Variants in GLIS1 observed in about 807,000 individuals in gnomAD.
GLIS1 encodes zinc finger protein GLIS1.
A neutral mutation model predicts 63.8 loss-of-function variants in GLIS1; 24 were observed. That is an observed-to-expected ratio of 0.38 (90% confidence interval 0.27 to 0.53). GLIS1 has a LOEUF of 0.53. GLIS1 is among the 20% of genes least tolerant of loss of function. The pLI is 0.85. For synonymous variants in GLIS1, 450 were observed against 482.5 expected (o/e 0.93, Z 0.88); for missense variants, 1,036 against 1,074.1 (o/e 0.96, Z 0.50).
intron 4 of GLIS1, among the ~76,000 whole-genome samples, chr1:53,544,557 C>T (rs1644679002): frequency 6.6e-6 from 1 of 152,228 alleles, no homozygotes; most frequent in South Asian, 2.1e-4. Flanking sequence ...CTATGGGTGG[C>T]TCCACTGCCT....
In GLIS1 at chr1:53,598,919, C is replaced by T. The variant is rs993919695; in HGVS notation, c.437+1182G>A. Among the ~76,000 whole-genome samples the T allele has an allele frequency of 1.3e-5, 2 of 152,244 alleles. No individual in the cohort carries two copies. The highest frequency in any genetic ancestry group is 4.8e-5 in the African/African-American group (2 of 41,462). On this transcript the variant is annotated intron_variant, in intron 3 of 10. Transcript: ENST00000628545. This position sits in a 1 kb window ranked among gnomAD's most constrained non-coding sequence, Gnocchi z 4.6. ...GAACGTAAACTCCATCAGGAGAGAT[C>T]TTTGCTTCCTTCACCAAGATGCTCC...
At chr1:53,652,460 G>A (rs1332503604) in intron 2 of GLIS1, among the ~76,000 whole-genome samples, 1 of 152,172 alleles carries the variant, frequency 6.6e-6, no homozygotes, top group African/African-American at 2.4e-5. Context: ...GACCAGAAAA[G>A]AGGGTGGGAT....
intron 2 of GLIS1, among the ~76,000 whole-genome samples, chr1:53,648,540 C>A (rs1425593670): frequency 6.6e-6 from 1 of 152,158 alleles, no homozygotes; most frequent in Non-Finnish European, 1.5e-5. Flanking sequence ...ATATGCACAT[C>A]CTAAGACATG....
chr1:53,563,800 T>C (rs977113851), intron 4 of GLIS1, among the ~76,000 whole-genome samples: 8 of 152,096 alleles, frequency 5.3e-5, no homozygotes, highest in South Asian at 2.1e-4. Flanking sequence ...TTAAAAGCAA[T>C]AGACAGGAAA....
chr1:53,561,539 C>T (rs565963960), intron 4 of GLIS1, among the ~76,000 whole-genome samples: 55 of 152,352 alleles, frequency 3.6e-4, no homozygotes, highest in African/African-American at 1.1e-3. Flanking sequence ...AATCTGCCCT[C>T]GCTCTGTGGC....
intron 2 of GLIS1, among the ~76,000 whole-genome samples, chr1:53,683,196 T>G (rs893279480): frequency 6.6e-6 from 1 of 152,186 alleles, no homozygotes; most frequent in Non-Finnish European, 1.5e-5. Flanking sequence ...CTCCCCAACC[T>G]GCACTGTGGA....
At chr1:53,699,650 G>A (rs918312117) in intron 2 of GLIS1, among the ~76,000 whole-genome samples, 1 of 152,226 alleles carries the variant, frequency 6.6e-6, no homozygotes, top group Admixed American at 6.5e-5. Context: ...CCATAGAGTG[G>A]GTGCCAAAAC....
chr1:53,615,356 T>C (rs1645470874), intron 2 of GLIS1, among the ~76,000 whole-genome samples: 1 of 152,172 alleles, frequency 6.6e-6, no homozygotes, highest in Non-Finnish European at 1.5e-5. Context: ...TCCCTCCTAG[T>C]GCCATCTCCC....
At chr1:53,724,306 C>T (rs1646784914) in intron 2 of GLIS1, among the ~76,000 whole-genome samples, 1 of 152,220 alleles carries the variant, frequency 6.6e-6, no homozygotes, top group African/African-American at 2.4e-5. Context: ...TGCTGTCCAA[C>T]AGAACTTTCT....
chr1:53,568,289 T>C (rs1644953597), intron 4 of GLIS1, among the ~76,000 whole-genome samples: 1 of 152,252 alleles, frequency 6.6e-6, no homozygotes, highest in South Asian at 2.1e-4. Flanking sequence ...CCCTTTGTTT[T>C]GACCAATTTC....
At chr1:53,548,424 C>T (rs151323901) in intron 4 of GLIS1, among the ~76,000 whole-genome samples, 50 of 152,348 alleles carry the variant, frequency 3.3e-4, no homozygotes, top group African/African-American at 6.7e-4. Flanking sequence ...CCACATATCA[C>T]GCATGGACGC....
At chr1:53,532,415 C>A (rs892578046) in intron 4 of GLIS1, among the ~76,000 whole-genome samples, 15 of 152,174 alleles carry the variant, frequency 9.9e-5, no homozygotes, top group Admixed American at 7.9e-4. Flanking sequence ...CCCTGGAAGC[C>A]CAGTCACAAC....
At chr1:53,664,310 A>C (rs1418120255) in intron 2 of GLIS1, among the ~76,000 whole-genome samples, 1 of 152,174 alleles carries the variant, frequency 6.6e-6, no homozygotes, top group Non-Finnish European at 1.5e-5. Flanking sequence ...GCCCTACCGG[A>C]TGCTTCCTAC....
chr1:53,599,007 A>G (rs1441309017), intron 3 of GLIS1, among the ~76,000 whole-genome samples: 1 of 152,180 alleles, frequency 6.6e-6, no homozygotes, highest in Non-Finnish European at 1.5e-5. Context: ...GAAGGAATAA[A>G]CTGCAAACCG....
At chr1:53,735,150 G>C (rs952070120) in intron 2 of GLIS1, among the ~76,000 whole-genome samples, 1 of 152,162 alleles carries the variant, frequency 6.6e-6, no homozygotes, top group Non-Finnish European at 1.5e-5. Flanking sequence ...TCTTCTCTCC[G>C]GTCACTGGGC....
Position 53,730,666 on chromosome 1 carries a change from C to T in GLIS1, c.259+7140G>A, listed in dbSNP as rs191334564. ...TTCATTCACTCCCCTTCAGACACAG[C>T]GGCACGTAGGAAGGCAAAAACACCT... On this transcript the variant is annotated intron_variant, in intron 2 of 10. Coordinates refer to ENST00000628545, the MANE Select transcript of GLIS1 (RefSeq NM_001367484.1). 1.0e-3 allele frequency among the ~76,000 whole-genome samples: 156 copies of T among 152,230 alleles called. 1 individual carries two copies. The highest frequency in any genetic ancestry group is 6.8e-3 in the Middle Eastern group (2 of 294).
chr1:53,685,276 C>G (rs533320659), intron 2 of GLIS1, among the ~76,000 whole-genome samples: 1 of 152,342 alleles, frequency 6.6e-6, no homozygotes, highest in Non-Finnish European at 1.5e-5. Context: ...CCACACACCC[C>G]TGCACCTTCA....
chr1:53,672,842 G>T (rs925227882), intron 2 of GLIS1, among the ~76,000 whole-genome samples: 2 of 152,178 alleles, frequency 1.3e-5, no homozygotes, highest in Non-Finnish European at 2.9e-5. Context: ...AAAGCGGGCC[G>T]TGATCTCCCA....
Position 53,560,460 on chromosome 1 carries a change from T to C in GLIS1, c.1321-30508A>G, listed in dbSNP as rs539237251. ...CAGACGGACAGTTCCGGTCGGGAGATATCTGGTCCACACACGGAGCAAATA... is the reference window on the plus strand; with the variant it reads ...CAGACGGACAGTTCCGGTCGGGAGACATCTGGTCCACACACGGAGCAAATA... On this transcript the variant is annotated intron_variant, in intron 4 of 10. Transcript: ENST00000628545. This position sits in a 1 kb window ranked among gnomAD's most constrained non-coding sequence, Gnocchi z 4.4. 6.6e-6 allele frequency among the ~76,000 whole-genome samples: 1 copy of C among 152,292 alleles called. No homozygotes were observed. Among genetic ancestry groups the C allele is most frequent in the East Asian group, 1.9e-4 (1 of 5,182 alleles).
Sources: gnomAD v4.1 joint callset for allele counts (sites outside exome capture counted in the v4.1 genomes callset) on GRCh38, gnomAD v4.1.1 for gene constraint, Gnocchi (gnomAD v3.1) non-coding constraint, MANE v1.5 for transcripts, NCBI Gene and HGNC (gene_info 2026-07-23, HGNC 2026-07-21) for gene names.